The following CFAP47 variants were observed in gnomAD, a reference collection of about 807,000 sequenced individuals.
CFAP47 encodes the protein cilia- and flagella-associated protein 47.
A neutral mutation model predicts 148.1 loss-of-function variants in CFAP47; 29 were observed. That is an observed-to-expected ratio of 0.20 (90% CI 0.15 to 0.27). The LOEUF (loss-of-function observed/expected upper bound fraction) is 0.27, where lower values mean the gene tolerates loss of function less well. Ranked by LOEUF, CFAP47 falls within the 10% of genes least tolerant of loss-of-function variation. The probability of loss-of-function intolerance (pLI) is 1.00; values close to 1 mark genes in which losing one functional copy is unlikely to be tolerated. For missense variants in CFAP47, 1,872 were observed against 1,697.5 expected (o/e 1.10, Z -1.81); for synonymous variants, 664 against 577.3 (o/e 1.15, Z -2.15).
chrX:36,161,402 A>C (rs1280107887), intron 39 of CFAP47, among the ~76,000 whole-genome samples: 1 of 111,693 alleles, frequency 9.0e-6, no homozygotes, highest in Non-Finnish European at 1.9e-5. Flanking sequence ...CATGTCCAAA[A>C]TTGAAATATC....
intron 29 of CFAP47, 55 bp from the exon 30 acceptor site, chrX:36,085,259 C>A: frequency 1.4e-6 from 1 of 689,718 alleles, no homozygotes; most frequent in South Asian, 2.7e-5. Flanking sequence ...GTTTTTTTTT[C>A]CCCCATACTA....
Position 36,299,082 on chromosome X carries a change from C to G in CFAP47, c.7792C>G (p.Leu2598Val). Residue 2598 changes from leucine to valine, a missense_variant, in exon 52 of 64, where the codon CTG becomes GTG. Physicochemically the swap from Leu to Val is conservative, Grantham distance 32. Coordinates refer to ENST00000378653, the MANE Select transcript of CFAP47 (RefSeq NM_001304548.2). ...AALNGDNEIILSPLQCTKYIV... is the reference protein window; with the variant it reads ...AALNGDNEIIVSPLQCTKYIV... ...CCTTAATGGGGATAATGAAATTATC[C>G]TGAGTCCACTACAGTGCACCAAATA... 8.8e-7 allele frequency: 1 copy of G among 1,140,628 alleles called. No individual in the cohort carries two copies. 94.0% of individuals were successfully genotyped at this position (1,140,628 alleles called of 1,213,427 possible). A position where few individuals can be genotyped will look rare whatever the true frequency, so the allele number is the denominator to read the frequency against.
intron 18 of CFAP47, among the ~76,000 whole-genome samples, chrX:35,996,878 C>G (rs1936853438): frequency 9.0e-6 from 1 of 111,578 alleles, no homozygotes; most frequent in Admixed American, 9.5e-5. Flanking sequence ...ATATACACAG[C>G]AATTTTTAGT....
rs757729863 is a variant in CFAP47 at position 35,967,848 on chromosome X, A to C, written c.1814+16A>C. 8.8e-7 allele frequency: 1 copy of C among 1,138,099 alleles called. No individual in the cohort carries two copies. The highest frequency in any genetic ancestry group is 3.1e-5 in the East Asian group (1 of 32,181). The allele number at this position is 1,138,099 out of a possible 1,213,427, so 93.8% of individuals were successfully genotyped here. A position where few individuals can be genotyped will look rare whatever the true frequency, so the allele number is the denominator to read the frequency against. Reference sequence around the variant, plus strand: ...AACATTTCAGGTAACATGAAATATTAAAACCCTGAAATTTGGAAAAGCTTA... The same window carrying C: ...AACATTTCAGGTAACATGAAATATTCAAACCCTGAAATTTGGAAAAGCTTA... On this transcript the variant is annotated intron_variant, in intron 10 of 63. Coordinates refer to ENST00000378653, the MANE Select transcript of CFAP47 (RefSeq NM_001304548.2).
intron 29 of CFAP47, among the ~76,000 whole-genome samples, chrX:36,080,269 A>T (rs1334342117): frequency 8.9e-6 from 1 of 111,793 alleles, no homozygotes; most frequent in Admixed American, 9.5e-5. Context: ...ATCATTAAAA[A>T]GTCAGGAAAC....
At chrX:36,240,749 C>T (rs1305872644) in intron 48 of CFAP47, among the ~76,000 whole-genome samples, 6 of 111,541 alleles carry the variant, frequency 5.4e-5, no homozygotes, top group African/African-American at 1.3e-4. Context: ...TTTTATTAAA[C>T]TTTAAACCAC....
intron 39 of CFAP47, among the ~76,000 whole-genome samples, chrX:36,170,993 C>G (rs773966740): frequency 9.0e-6 from 1 of 110,812 alleles, no homozygotes; most frequent in East Asian, 2.8e-4. Flanking sequence ...GCCATTCTAC[C>G]TGGTGTGAAA....
At chrX:35,927,635 G>C (rs974029905) in intron 2 of CFAP47, among the ~76,000 whole-genome samples, 2 of 110,105 alleles carry the variant, frequency 1.8e-5, no homozygotes, top group African/African-American at 6.6e-5. Context: ...GTGTGCATGT[G>C]TGTTATTAAT....
At chrX:36,035,585 A>T in intron 23 of CFAP47, 110 bp from the exon 24 acceptor site, 1 of 283,333 alleles carries the variant, frequency 3.5e-6, no homozygotes, top group East Asian at 5.0e-5. Context: ...TCTATGATTA[A>T]TCATTTGAAT....
rs6632446 is a variant in CFAP47 at position 35,970,879 on chromosome X, T to C, written c.1926T>C (p.Leu642=). 0.083 allele frequency: 98,684 copies of C among 1,191,273 alleles called. 4,157 individuals are homozygous for C. Among genetic ancestry groups the C allele is most frequent in the East Asian group, 0.26 (8,544 of 33,191 alleles). ...KLHENYYAMY[L]KYLRSVRLQK... Reference sequence around the variant, plus strand: ...ATGAAAACTATTATGCAATGTATCTTAAATATTTAAGAAGTGTGCGCTTGC... The same window carrying C: ...ATGAAAACTATTATGCAATGTATCTCAAATATTTAAGAAGTGTGCGCTTGC... The change falls in exon 11 of 64, where the codon CTT becomes CTC. Residue 642 remains leucine, a synonymous_variant. Transcript: ENST00000378653.
At position 35,919,737 on chromosome X, in the gene CFAP47, C is replaced by A; in HGVS notation, c.-63C>A. On this transcript the variant is annotated 5_prime_UTR_variant, in exon 1 of 64. Transcript: ENST00000378653. ...CGTCTGATGGTTGCCTAGCGACGGTCGTCGACGCTAATCCTTGGCCGGACG... is the reference window on the plus strand; with the variant it reads ...CGTCTGATGGTTGCCTAGCGACGGTAGTCGACGCTAATCCTTGGCCGGACG... 3 of 1,127,019 alleles carry A rather than the reference C, an allele frequency of 2.7e-6. No individual in the cohort carries two copies. Among genetic ancestry groups the A allele is most frequent in the Non-Finnish European group, 3.5e-6 (3 of 846,514 alleles). 92.9% of individuals were successfully genotyped at this position (1,127,019 alleles called of 1,213,427 possible). A position where few individuals can be genotyped will look rare whatever the true frequency, so the allele number is the denominator to read the frequency against.
chrX:35,963,226 G>A (rs1936357693), intron 8 of CFAP47, among the ~76,000 whole-genome samples: 2 of 110,111 alleles, frequency 1.8e-5, no homozygotes, highest in Non-Finnish European at 3.8e-5. Context: ...TAGACAGAAT[G>A]AATAAGTTCT....
intron 60 of CFAP47, 44 bp from the exon 61 acceptor site, chrX:36,361,286 A>G (rs1556019177): frequency 8.0e-6 from 6 of 751,736 alleles, no homozygotes; most frequent in East Asian, 3.6e-5. Flanking sequence ...AAATCTATGC[A>G]TATTTAATTA....
intron 49 of CFAP47, among the ~76,000 whole-genome samples, chrX:36,278,967 A>T (rs1556003109): frequency 1.8e-5 from 2 of 112,001 alleles, no homozygotes; most frequent in Non-Finnish European, 3.8e-5. Context: ...TGTCTGTAAA[A>T]ATATGAAACA....
chrX:36,194,709 C>T (rs1602040716), intron 42 of CFAP47, among the ~76,000 whole-genome samples: 1 of 111,485 alleles, frequency 9.0e-6, no homozygotes, highest in East Asian at 2.9e-4. Context: ...GTGCTACACA[C>T]TTTGAAACAA....
intron 22 of CFAP47, among the ~76,000 whole-genome samples, chrX:36,024,685 T>G (rs1937195716): frequency 9.0e-6 from 1 of 111,363 alleles, no homozygotes; most frequent in African/African-American, 3.3e-5. Flanking sequence ...TGGGTAGATG[T>G]CAGTTGTGTT....
At chrX:36,143,698 C>A (rs1447487494) in intron 35 of CFAP47, among the ~76,000 whole-genome samples, 2 of 111,826 alleles carry the variant, frequency 1.8e-5, no homozygotes, top group Admixed American at 1.9e-4. Context: ...CTTCAGCTTA[C>A]GTTCTGGCTA....
chrX:36,078,473 C>T (rs982002881), intron 29 of CFAP47, among the ~76,000 whole-genome samples: 10 of 110,751 alleles, frequency 9.0e-5, no homozygotes, highest in Admixed American at 3.9e-4. Context: ...TTCTTTGTCT[C>T]GTTTGATCTT....
intron 27 of CFAP47, among the ~76,000 whole-genome samples, chrX:36,066,102 T>C (rs1289112791): frequency 9.0e-6 from 1 of 111,730 alleles, no homozygotes; most frequent in Non-Finnish European, 1.9e-5. Context: ...ATTCTTGGGA[T>C]GTGTGATGAA....
Sources: gnomAD v4.1 joint callset for allele counts (sites outside exome capture counted in the v4.1 genomes callset) on GRCh38, gnomAD v4.1.1 for gene constraint, MANE v1.5 for transcripts, NCBI Gene and HGNC (gene_info 2026-07-23, HGNC 2026-07-21) for gene names.